Variants in HYCC2 observed in about 807,000 individuals in gnomAD.
HYCC2 encodes hyccin PI4KA lipid kinase complex subunit 2.
chr2:200,979,629 T>C, the HYCC2 span: 2 of 152,670 alleles, frequency 1.3e-5, no homozygotes, highest in African/African-American at 4.8e-5. Flanking sequence ...GAATACTTGC[T>C]TTCTATAAAT....
At chr2:200,983,312 A>G in the HYCC2 span, among the ~76,000 whole-genome samples, 1 of 152,212 alleles carries the variant, frequency 6.6e-6, no homozygotes, top group Non-Finnish European at 1.5e-5. Flanking sequence ...AAATGTTAGG[A>G]AAGAATCTAA....
chr2:201,054,514 T>C, the HYCC2 span, among the ~76,000 whole-genome samples: 3 of 152,174 alleles, frequency 2.0e-5, no homozygotes, highest in South Asian at 2.1e-4. Flanking sequence ...ACTTACCTTC[T>C]ACAAATCCTG....
At chr2:200,988,484 A>G in the HYCC2 span, 161 of 1,227,786 alleles carry the variant, frequency 1.3e-4, no homozygotes, top group Middle Eastern at 1.9e-4. Flanking sequence ...TTTATACTAC[A>G]TGTGTCCATA....
chr2:200,994,749 C>T, the HYCC2 span, among the ~76,000 whole-genome samples: 1 of 151,776 alleles, frequency 6.6e-6, no homozygotes, highest in African/African-American at 2.4e-5. Context: ...GCCTGTAATC[C>T]CAGTACTCTG....
At chr2:200,987,373 G>A in the HYCC2 span, 1 of 1,289,666 alleles carries the variant, frequency 7.8e-7, no homozygotes, top group South Asian at 1.2e-5. Flanking sequence ...ACCCTCTGTT[G>A]TGGCTGTTGC....
At chr2:200,987,205 G>C in the HYCC2 span, among the ~76,000 whole-genome samples, 1 of 152,162 alleles carries the variant, frequency 6.6e-6, no homozygotes, top group Non-Finnish European at 1.5e-5. Context: ...CTGGTGCTAT[G>C]TATATGAGGA....
At chr2:201,011,296 G>T in the HYCC2 span, 3 of 643,320 alleles carry the variant, frequency 4.7e-6, no homozygotes, top group Non-Finnish European at 5.1e-6. Flanking sequence ...AATCAGTAAA[G>T]ATATTTTAGG....
At chr2:201,026,818 T>C in the HYCC2 span, among the ~76,000 whole-genome samples, 1 of 152,284 alleles carries the variant, frequency 6.6e-6, no homozygotes, top group East Asian at 1.9e-4. Flanking sequence ...TAAAGCAGTG[T>C]GTAGAGGGAA....
At chr2:201,028,132 C>G in the HYCC2 span, among the ~76,000 whole-genome samples, 2 of 152,042 alleles carry the variant, frequency 1.3e-5, no homozygotes, top group Non-Finnish European at 2.9e-5. Context: ...GGAGACAAAA[C>G]CAATGTGCAA....
chr2:201,012,026 C>T, the HYCC2 span, among the ~76,000 whole-genome samples: 1 of 152,110 alleles, frequency 6.6e-6, no homozygotes, highest in Admixed American at 6.6e-5. Flanking sequence ...ATGATTAAAA[C>T]AATCAAGCTA....
the HYCC2 span, among the ~76,000 whole-genome samples, chr2:200,987,799 T>C: frequency 3.9e-5 from 6 of 152,178 alleles, no homozygotes; most frequent in African/African-American, 9.7e-5. Flanking sequence ...TCAAGTACCA[T>C]GTGTATGAAA....
the HYCC2 span, chr2:201,063,214 C>A: frequency 6.2e-7 from 1 of 1,605,076 alleles, no homozygotes; most frequent in Non-Finnish European, 8.5e-7. Flanking sequence ...CGCTCACAGA[C>A]TGTGTGGTAA....
chr2:200,994,934 G>A, the HYCC2 span, among the ~76,000 whole-genome samples: 4 of 151,496 alleles, frequency 2.6e-5, no homozygotes, highest in East Asian at 1.9e-4. Flanking sequence ...CTAGGAGTTC[G>A]AGGCTGCAGT....
the HYCC2 span, among the ~76,000 whole-genome samples, chr2:201,013,073 T>C: frequency 6.6e-6 from 1 of 152,114 alleles, no homozygotes; most frequent in South Asian, 2.1e-4. Flanking sequence ...TTACAACTCA[T>C]ATTAGCATAC....
chr2:201,062,365 G>A, the HYCC2 span, among the ~76,000 whole-genome samples: 1 of 151,286 alleles, frequency 6.6e-6, no homozygotes, highest in Non-Finnish European at 1.5e-5. Context: ...ATACAAAAAT[G>A]AGGCCGGGCG....
At chr2:200,991,139 T>C in the HYCC2 span, among the ~76,000 whole-genome samples, 1 of 152,242 alleles carries the variant, frequency 6.6e-6, no homozygotes, top group South Asian at 2.1e-4. Flanking sequence ...AATATGTTTC[T>C]CAGTTTGTGC....
the HYCC2 span, among the ~76,000 whole-genome samples, chr2:200,982,498 A>G: frequency 6.6e-6 from 1 of 152,220 alleles, no homozygotes; most frequent in East Asian, 1.9e-4. Context: ...TCACAGTCAT[A>G]TTTTGTCTAT....
At chr2:201,066,651 G>C in the HYCC2 span, 1 of 152,166 alleles carries the variant, frequency 6.6e-6, no homozygotes, top group African/African-American at 2.4e-5. Context: ...TAGCTAACAA[G>C]TCTATATTAA....
the HYCC2 span, chr2:201,063,166 C>T: frequency 2.2e-5 from 35 of 1,610,304 alleles, no homozygotes; most frequent in Non-Finnish European, 2.8e-5. Context: ...TTGAAACAAC[C>T]GATGAGAGCC....
Sources: allele counts gnomAD v4.1 joint callset (sites outside exome capture counted in the v4.1 genomes callset), GRCh38; gene constraint gnomAD v4.1.1; transcripts MANE v1.5; gene names NCBI Gene and HGNC (gene_info 2026-07-23, HGNC 2026-07-21).